PCDHGA2: variants seen among roughly 807,000 people sequenced by gnomAD.
PCDHGA2 encodes protocadherin gamma subfamily A, 2.
In PCDHGA2, 40 loss-of-function variants were observed where a neutral mutation model predicts 59.2. The observed-to-expected ratio is 0.68, with a 90% CI of 0.52 to 0.88. PCDHGA2 has a LOEUF of 0.88. Ranked by LOEUF, PCDHGA2 falls within the 40% of genes least tolerant of loss-of-function variation. The pLI, the probability that PCDHGA2 is intolerant of heterozygous loss-of-function variation, is 0.00. For missense variants in PCDHGA2, 1,226 were observed against 1,204.0 expected, an observed-to-expected ratio of 1.02 and a Z score of -0.27; for synonymous variants, 560 against 526.0, an observed-to-expected ratio of 1.06 and a Z score of -0.89.
Position 141,489,533 on chromosome 5 carries a change from C to G in PCDHGA2, c.2425-5274C>G, listed in dbSNP as rs754586925. The G allele has an allele frequency of 6.2e-7, 1 of 1,614,086 alleles. No individual in the cohort carries two copies. The highest frequency in any genetic ancestry group is 1.7e-5 in the Admixed American group (1 of 60,030). ...ATTGACCGAGAAAGCCTATGTGGAG[C>G]CAGCACCAGCTGCCTGCTGCCAGTG... On this transcript the variant is annotated intron_variant, in intron 1 of 3. Coordinates refer to ENST00000394576, the MANE Select transcript of PCDHGA2 (RefSeq NM_018915.4). The surrounding 1 kb of genome is among the most constrained non-coding windows in gnomAD (Gnocchi z 4.5).
In PCDHGA2 at chr5:141,414,483, A is replaced by G. The variant is rs756254490; in HGVS notation, c.2424+73088A>G. 20 of 1,613,826 alleles carry G rather than the reference A, an allele frequency of 1.2e-5. No homozygotes were observed. In the Admixed American group the frequency reaches 1.8e-4, roughly 15 times the overall value. ...CCACAGATGGGGGAAGTCCTCCTCT[A>G]TCAACGGAAGCTCACTTTATGCTAC... On this transcript the variant is annotated intron_variant, in intron 1 of 3. Transcript: ENST00000394576.
At chr5:141,393,337 A>G (rs556749112) in intron 1 of PCDHGA2, 28 of 1,613,772 alleles carry the variant, frequency 1.7e-5, no homozygotes, top group African/African-American at 5.3e-5. Flanking sequence ...CTCAGCCCCA[A>G]TCACCACTTC....
chr5:141,346,523 A>T (rs1022933265), intron 1 of PCDHGA2: 4 of 1,588,136 alleles, frequency 2.5e-6, no homozygotes, highest in Non-Finnish European at 3.4e-6. Context: ...TAAAGCTTTA[A>T]CACATATGTA....
chr5:141,362,693 A>C, intron 1 of PCDHGA2: 1 of 1,100,328 alleles, frequency 9.1e-7, no homozygotes, highest in South Asian at 1.7e-5. Flanking sequence ...ATCTTATCTA[A>C]CTGAATTTTA....
At chr5:141,360,029 G>A in intron 1 of PCDHGA2, 1 of 1,375,698 alleles carries the variant, frequency 7.3e-7, no homozygotes, top group Non-Finnish European at 9.6e-7. Context: ...GGCCAGTATA[G>A]ATTCGGAAAC....
intron 1 of PCDHGA2, among the ~76,000 whole-genome samples, chr5:141,373,465 A>G (rs2150023959): frequency 6.6e-6 from 1 of 152,348 alleles, no homozygotes; most frequent in Non-Finnish European, 1.5e-5. Flanking sequence ...AGCAGCTGCA[A>G]TGAGCTATAA....
rs369323252 is a variant in PCDHGA2 at position 141,487,658 on chromosome 5, G to T, written c.2425-7149G>T. ...TCAACAAATGCTTGAGGGTTATTCT[G>T]ATCCAGGCATATGGCTAGGCCATGT... On this transcript the variant is annotated intron_variant, in intron 1 of 3. Coordinates refer to ENST00000394576, the MANE Select transcript of PCDHGA2 (RefSeq NM_018915.4). This position sits in a 1 kb window ranked among gnomAD's most constrained non-coding sequence, Gnocchi z 5.0. The T allele has an allele frequency of 8.7e-5, 140 of 1,613,508 alleles. No individual in the cohort carries two copies. The highest frequency in any genetic ancestry group is 1.1e-4 in the Non-Finnish European group (134 of 1,179,802).
intron 1 of PCDHGA2, chr5:141,442,111 C>A: frequency 6.0e-6 from 1 of 166,354 alleles, no homozygotes; most frequent in Non-Finnish European, 1.3e-5. Context: ...CACTACCGCC[C>A]CTCGTCGCCG....
chr5:141,351,684 C>A, intron 1 of PCDHGA2: 1 of 1,613,988 alleles, frequency 6.2e-7, no homozygotes, highest in African/African-American at 1.3e-5. Context: ...GCCTCCGACC[C>A]GGATTTGGGA....
intron 1 of PCDHGA2, chr5:141,395,239 T>C: frequency 6.3e-7 from 1 of 1,589,970 alleles, no homozygotes; most frequent in Non-Finnish European, 8.6e-7. Flanking sequence ...CATGGTCAGG[T>C]GAGTTTAGTT....
chr5:141,477,845 GT>G lies in PCDHGA2; in HGVS notation c.2425-16961del, dbSNP rs1562065234. ...ATATCCTCGGCCAGGTGGGAGCTCG[GT>G]GGAGATGCTGCCTCGAGGTACCTCA... is the stretch of plus-strand genomic sequence containing the variant. On this transcript the variant is annotated intron_variant, in intron 1 of 3. Coordinates refer to ENST00000394576, the MANE Select transcript of PCDHGA2 (RefSeq NM_018915.4). This position sits in a 1 kb window ranked among gnomAD's most constrained non-coding sequence, Gnocchi z 4.9. 1 of 1,614,038 alleles carries G rather than the reference GT, an allele frequency of 6.2e-7. No homozygotes were observed. Among genetic ancestry groups the G allele is most frequent in the East Asian group, 2.2e-5 (1 of 44,896 alleles).
chr5:141,373,350 A>G (rs1769502656), intron 1 of PCDHGA2, among the ~76,000 whole-genome samples: 1 of 152,206 alleles, frequency 6.6e-6, no homozygotes, highest in Non-Finnish European at 1.5e-5. Context: ...AACTCTTGTA[A>G]TGGGCACTGT....
At chr5:141,345,671 G>A (rs369544604) in intron 1 of PCDHGA2, 7 of 1,614,166 alleles carry the variant, frequency 4.3e-6, no homozygotes, top group Non-Finnish European at 5.9e-6. Flanking sequence ...GCAGCAACGT[G>A]TCGCTGAACC....
chr5:141,375,103 C>G (rs1230243964), intron 1 of PCDHGA2: 1 of 1,613,900 alleles, frequency 6.2e-7, no homozygotes, highest in South Asian at 1.1e-5. Context: ...TCTTGGATGT[C>G]AATGATAATG....
chr5:141,403,634 A>C, intron 1 of PCDHGA2: 1 of 1,613,920 alleles, frequency 6.2e-7, no homozygotes, highest in Non-Finnish European at 8.5e-7. Context: ...CACAGTGCGC[A>C]TCCATGTGAC....
intron 1 of PCDHGA2, among the ~76,000 whole-genome samples, chr5:141,453,993 A>T (rs2098779172): frequency 6.6e-6 from 1 of 152,234 alleles, no homozygotes; most frequent in African/African-American, 2.4e-5. Flanking sequence ...CCAGTGATAA[A>T]CCCACATAAC....
In PCDHGA2 at chr5:141,340,138, T is replaced by C; in HGVS notation, c.1167T>C (p.Asp389=). The C allele has an allele frequency of 6.2e-7, 1 of 1,614,182 alleles. No homozygotes were observed. ...NAFTTCSLPE[D]LPFKLEKSVD... ...TCACCACCTGTTCACTCCCCGAGGA[T>C]CTTCCTTTTAAGTTAGAAAAGTCAG... Residue 389 remains aspartate, a synonymous_variant, in exon 1 of 4, where the codon GAT becomes GAC. Transcript: ENST00000394576.
chr5:141,494,855 G>C lies in PCDHGA2; in HGVS notation c.2473G>C (p.Gly825Arg), dbSNP rs200418116. The C allele has an allele frequency of 6.2e-7, 1 of 1,614,092 alleles. No homozygotes were observed. Among genetic ancestry groups the C allele is most frequent in the South Asian group, 1.1e-5 (1 of 91,072 alleles). ...DWRFSQAQRP[G>R]TSGSQNGDDT... is the part of the protein sequence containing the mutation. ...GCGTTTCTCTCAGGCCCAGAGACCC[G>C]GCACCAGCGGGTAGGTGACTGATTC... The change falls in exon 2 of 4, where the codon GGC (glycine) becomes CGC (arginine). Residue 825 changes from glycine (G) to arginine (R), a missense_variant. Transcript: ENST00000394576.
chr5:141,360,601 C>A, intron 1 of PCDHGA2: 1 of 1,613,928 alleles, frequency 6.2e-7, no homozygotes, highest in Non-Finnish European at 8.5e-7. Context: ...TCCACTTGAC[C>A]CAGCCCTGGA....
Sources: gnomAD v4.1 joint callset for allele counts (sites outside exome capture counted in the v4.1 genomes callset) on GRCh38, gnomAD v4.1.1 for gene constraint, Gnocchi (gnomAD v3.1) non-coding constraint, MANE v1.5 for transcripts, NCBI Gene and HGNC (gene_info 2026-07-23, HGNC 2026-07-21) for gene names.